The following GABBR2 variants were observed in gnomAD, a reference collection of about 807,000 sequenced individuals.
The protein encoded by GABBR2 is gamma-aminobutyric acid type B receptor subunit 2, also known as G-protein coupled receptor 51.
In GABBR2, 23 loss-of-function variants were observed where a neutral mutation model predicts 105.6. The ratio of observed to expected loss-of-function variants is 0.22; its 90% CI spans 0.16 to 0.31. The LOEUF (loss-of-function observed/expected upper bound fraction) is 0.31. Among genes scored for constraint, GABBR2 ranks in the 10% least tolerant of loss-of-function variants. The probability of loss-of-function intolerance (pLI) is 1.00; values close to 1 mark genes in which losing one functional copy is unlikely to be tolerated. For synonymous variants in GABBR2, 478 were observed against 499.7 expected (o/e 0.96, Z 0.58); for missense variants, 734 against 1,245.5 (o/e 0.59, Z 6.18).
chr9:98,694,577 T>C (rs966701984), intron 1 of GABBR2, among the ~76,000 whole-genome samples: 1 of 152,206 alleles, frequency 6.6e-6, no homozygotes, highest in African/African-American at 2.4e-5. Context: ...CTCACATGAA[T>C]GACATCGCTA....
intron 6 of GABBR2, among the ~76,000 whole-genome samples, chr9:98,472,903 A>G (rs1826713649): frequency 6.6e-6 from 1 of 152,206 alleles, no homozygotes; most frequent in Admixed American, 6.5e-5. Flanking sequence ...TGTATACATA[A>G]CATGTGTACT....
At chr9:98,580,501 G>C (rs1055972591) in intron 1 of GABBR2, among the ~76,000 whole-genome samples, 2 of 152,212 alleles carry the variant, frequency 1.3e-5, no homozygotes, top group African/African-American at 4.8e-5. Context: ...AGTAAGATCT[G>C]TTGGGGCCAG....
intron 11 of GABBR2, among the ~76,000 whole-genome samples, chr9:98,371,988 A>G (rs1674106371): frequency 1.3e-5 from 2 of 151,852 alleles, no homozygotes; most frequent in African/African-American, 4.8e-5. Context: ...TGTGGCTACT[A>G]CTGTCCAGTG....
intron 12 of GABBR2, among the ~76,000 whole-genome samples, chr9:98,368,832 A>G (rs548479835): frequency 2.4e-4 from 37 of 152,326 alleles, no homozygotes; most frequent in African/African-American, 8.7e-4. Context: ...GTGGCTCTCC[A>G]GCCTTGGCTT....
intron 7 of GABBR2, among the ~76,000 whole-genome samples, chr9:98,441,944 T>C (rs1294598878): frequency 6.6e-6 from 1 of 152,186 alleles, no homozygotes; most frequent in Non-Finnish European, 1.5e-5. Flanking sequence ...AAGGATCACA[T>C]CTGAATGTGA....
chr9:98,687,699 A>G (rs1218129946), intron 1 of GABBR2, among the ~76,000 whole-genome samples: 1 of 151,930 alleles, frequency 6.6e-6, no homozygotes, highest in Admixed American at 6.6e-5. Flanking sequence ...ATTTCCTACA[A>G]CCCGGTCTGG....
At chr9:98,469,834 T>C (rs1418817528) in intron 6 of GABBR2, among the ~76,000 whole-genome samples, 1 of 152,224 alleles carries the variant, frequency 6.6e-6, no homozygotes, top group Non-Finnish European at 1.5e-5. Context: ...GCTGTGGTTT[T>C]ACAAGTGTTT....
intron 4 of GABBR2, chr9:98,495,923 T>C (rs1047278289): frequency 5.0e-5 from 8 of 160,300 alleles, no homozygotes; most frequent in Admixed American, 4.2e-4. Flanking sequence ...TTTGAGAGAG[T>C]ATGCAGAAGG....
intron 7 of GABBR2, among the ~76,000 whole-genome samples, chr9:98,407,201 C>T (rs1268679749): frequency 1.3e-5 from 2 of 152,166 alleles, no homozygotes; most frequent in Admixed American, 1.3e-4. Flanking sequence ...CACTGTTATG[C>T]TTTTGTGTCA....
intron 1 of GABBR2, chr9:98,608,013 G>A: frequency 1.6e-6 from 2 of 1,287,958 alleles, no homozygotes. Flanking sequence ...TAAACAATTA[G>A]AGGAAAAACG....
At chr9:98,689,610 A>G (rs906009300) in intron 1 of GABBR2, among the ~76,000 whole-genome samples, 2 of 152,224 alleles carry the variant, frequency 1.3e-5, no homozygotes, top group African/African-American at 4.8e-5. Flanking sequence ...GCTGGACTGC[A>G]GAAAGCAGCT....
intron 17 of GABBR2, among the ~76,000 whole-genome samples, chr9:98,295,603 G>A (rs942837389): frequency 1.4e-4 from 22 of 151,950 alleles, no homozygotes; most frequent in Non-Finnish European, 1.5e-5. Flanking sequence ...TGGGCTCACT[G>A]CAACCTCCGC....
intron 1 of GABBR2, among the ~76,000 whole-genome samples, chr9:98,579,870 G>T (rs1249114371): frequency 6.6e-6 from 1 of 152,174 alleles, no homozygotes; most frequent in Non-Finnish European, 1.5e-5. Flanking sequence ...CTGTTTTAGA[G>T]GATTGCAAAA....
At chr9:98,403,618 T>C (rs922743453) in intron 8 of GABBR2, among the ~76,000 whole-genome samples, 5 of 152,074 alleles carry the variant, frequency 3.3e-5, no homozygotes. Flanking sequence ...AGGGAGCCGC[T>C]ATTAGGGGTA....
At chr9:98,570,147 C>G (rs988178613) in intron 2 of GABBR2, among the ~76,000 whole-genome samples, 1 of 152,218 alleles carries the variant, frequency 6.6e-6, no homozygotes, top group South Asian at 2.1e-4. Flanking sequence ...TGCCTCCACT[C>G]CCTCACATGA....
chr9:98,513,478 A>C (rs1827695278), intron 3 of GABBR2, among the ~76,000 whole-genome samples: 1 of 152,100 alleles, frequency 6.6e-6, no homozygotes, highest in African/African-American at 2.4e-5. Context: ...CAACCTACAG[A>C]ATGGGAGAAA....
intron 7 of GABBR2, among the ~76,000 whole-genome samples, chr9:98,413,562 A>G (rs1321194239): frequency 1.3e-5 from 2 of 152,202 alleles, no homozygotes; most frequent in Non-Finnish European, 2.9e-5. Context: ...GCCTTCAGGA[A>G]TGTTTGATGC....
intron 1 of GABBR2, among the ~76,000 whole-genome samples, chr9:98,689,375 C>T (rs1179397355): frequency 6.6e-6 from 1 of 152,118 alleles, no homozygotes; most frequent in Non-Finnish European, 1.5e-5. Context: ...TGCTTACCTC[C>T]TAGGACCTTG....
intron 3 of GABBR2, among the ~76,000 whole-genome samples, chr9:98,509,854 T>C (rs1477293888): frequency 2.0e-5 from 3 of 152,178 alleles, no homozygotes; most frequent in African/African-American, 7.2e-5. Flanking sequence ...CTGCAGGATA[T>C]TATCCAGGAG....
Sources: allele counts gnomAD v4.1 joint callset (sites outside exome capture counted in the v4.1 genomes callset), GRCh38; gene constraint gnomAD v4.1.1; transcripts MANE v1.5; gene names NCBI Gene and HGNC (gene_info 2026-07-23, HGNC 2026-07-21).